Variants in DOT1L observed in about 807,000 individuals in gnomAD.
DOT1L encodes the protein histone-lysine N-methyltransferase, H3 lysine-79 specific.
DOT1L carries 33 observed loss-of-function variants against 153.3 expected under a neutral mutation model. The observed-to-expected ratio is 0.22, with a 90% CI of 0.16 to 0.29. DOT1L has a LOEUF of 0.29. Ranked by LOEUF, DOT1L falls within the 10% of genes least tolerant of loss-of-function variation. DOT1L has a pLI of 1.00. For missense variants in DOT1L, 1,847 were observed against 2,119.9 expected, an observed-to-expected ratio of 0.87 and a Z score of 2.53; for synonymous variants, 1,135 against 965.1, an observed-to-expected ratio of 1.18 and a Z score of -3.26.
At chr19:2,166,402 TTATTTATTTA>T (rs1386720779) in intron 1 of DOT1L, among the ~76,000 whole-genome samples, 4 of 151,140 alleles carry the variant, frequency 2.6e-5, no homozygotes, top group Admixed American at 2.6e-4. Context: ...GGCCTCACAT[TTATTTATTTA>T]TATTTATTTA....
chr19:2,166,125 T>C (rs2019911266), intron 1 of DOT1L, among the ~76,000 whole-genome samples: 1 of 149,772 alleles, frequency 6.7e-6, no homozygotes, highest in Non-Finnish European at 1.5e-5. Context: ...AGTCGGAGTT[T>C]CGCTCTTGTT....
At chr19:2,227,899 G>A (rs1004285222) in intron 27 of DOT1L, 13 of 1,242,596 alleles carry the variant, frequency 1.0e-5, no homozygotes, top group Non-Finnish European at 1.2e-5. Context: ...GTTGAGACCC[G>A]GCCGCCCCCT....
At chr19:2,183,102 C>T (rs1260225659) in intron 2 of DOT1L, among the ~76,000 whole-genome samples, 5 of 152,152 alleles carry the variant, frequency 3.3e-5, no homozygotes, top group African/African-American at 7.2e-5. Context: ...CTAGAAACAC[C>T]GACGACGTTC....
chr19:2,222,174 C>G lies in DOT1L; in HGVS notation c.3005C>G (p.Pro1002Arg). The change falls in exon 24 of 28, where the codon CCC becomes CGC. Residue 1002 changes from proline (P) to arginine (R), a missense_variant. Coordinates refer to ENST00000398665, the MANE Select transcript of DOT1L (RefSeq NM_032482.3). The surrounding 1 kb of genome is among the most constrained non-coding windows in gnomAD (Gnocchi z 6.5). ...CCCCGGAACTCGCTTCCTGCCTCTCCCGCCCACCAGCTCTCCTCCAGTCCC... is the reference window on the plus strand; with the variant it reads ...CCCCGGAACTCGCTTCCTGCCTCTCGCGCCCACCAGCTCTCCTCCAGTCCC... ...AQPRNSLPAS[P>R]AHQLSSSPRL... 2 of 1,613,106 alleles carry G rather than the reference C, an allele frequency of 1.2e-6. No homozygotes were observed. Among genetic ancestry groups the G allele is most frequent in the Non-Finnish European group, 1.7e-6 (2 of 1,179,866 alleles).
chr19:2,222,101 G>T lies in DOT1L; in HGVS notation c.2932G>T (p.Val978Leu). ...CAGCTCTGGGAGCCTTTTTGCCACC[G>T]TGGGGTCCCGCAGCTCCACGCCACA... ...SSSSGSLFAT[V>L]GSRSSTPQHP... The change falls in exon 24 of 28, where the codon GTG (valine) becomes TTG (leucine). Residue 978 changes from valine to leucine, a missense_variant. By Grantham distance (32) the Val-to-Leu change is conservative (BLOSUM62 1). Transcript: ENST00000398665. The surrounding 1 kb of genome is among the most constrained non-coding windows in gnomAD (Gnocchi z 6.5). 1 of 1,613,328 alleles carries T rather than the reference G, an allele frequency of 6.2e-7. No individual in the cohort carries two copies. Among genetic ancestry groups the T allele is most frequent in the South Asian group, 1.1e-5 (1 of 91,090 alleles).
chr19:2,166,573 G>A (rs190866621), intron 1 of DOT1L, among the ~76,000 whole-genome samples: 35 of 151,226 alleles, frequency 2.3e-4, no homozygotes, highest in Non-Finnish European at 4.7e-4. Context: ...CACCACGTCC[G>A]GCTAATTTTG....
rs560054639 is a variant in DOT1L at position 2,179,454 on chromosome 19, C to G, written c.82-1259C>G. 5.3e-5 allele frequency among the ~76,000 whole-genome samples: 8 copies of G among 152,224 alleles called. 1 individual carries two copies. In the South Asian group the frequency reaches 1.5e-3, roughly 28 times the overall value. ...CATCCAGGGGATCGCGTCTGCAACT[C>G]TTATTGCTTTGGCGTTTACCTATTG... On this transcript the variant is annotated intron_variant, in intron 1 of 27. Coordinates refer to ENST00000398665, the MANE Select transcript of DOT1L (RefSeq NM_032482.3).
intron 1 of DOT1L, among the ~76,000 whole-genome samples, chr19:2,168,142 C>T (rs757451067): frequency 2.6e-5 from 4 of 152,110 alleles, no homozygotes; most frequent in Non-Finnish European, 4.4e-5. Context: ...CCCCCGCCAC[C>T]GCCCCAGCAT....
chr19:2,193,160 T>C lies in DOT1L; in HGVS notation c.494-529T>C, dbSNP rs2022870364. Among the ~76,000 whole-genome samples the C allele has an allele frequency of 9.2e-5, 14 of 152,190 alleles. No homozygotes were observed. Among genetic ancestry groups the C allele is most frequent in the Admixed American group, 8.5e-4 (13 of 15,280 alleles). On this transcript the variant is annotated intron_variant, in intron 5 of 27. Coordinates refer to ENST00000398665, the MANE Select transcript of DOT1L (RefSeq NM_032482.3). This position sits in a 1 kb window ranked among gnomAD's most constrained non-coding sequence, Gnocchi z 5.9. ...CGGGTGTTGCTGGGTTGTGTGCTGA[T>C]GCTGTGAAACCGCAGCGGCCGGGAG...
chr19:2,209,189 C>G lies in DOT1L; in HGVS notation c.1005+213C>G, dbSNP rs563515559. 2.6e-5 allele frequency among the ~76,000 whole-genome samples: 4 copies of G among 152,256 alleles called. No individual in the cohort carries two copies. In the South Asian group the frequency reaches 6.2e-4, roughly 24 times the overall value. On this transcript the variant is annotated intron_variant, in intron 12 of 27. Transcript: ENST00000398665. ...CTACCCTTTCCTCCCTGTCCTCCCCCTCTTCCTCTCCTCTCCCAGCCCTTT... is the reference window on the plus strand; with the variant it reads ...CTACCCTTTCCTCCCTGTCCTCCCCGTCTTCCTCTCCTCTCCCAGCCCTTT...
intron 25 of DOT1L, among the ~76,000 whole-genome samples, chr19:2,224,994 G>A (rs2024269949): frequency 1.3e-5 from 2 of 152,218 alleles, no homozygotes; most frequent in South Asian, 2.1e-4. Context: ...GGCCTGCAAT[G>A]CTGTGGCATT....
At chr19:2,225,680 C>CTG (rs2024298150) in intron 26 of DOT1L, among the ~76,000 whole-genome samples, 1 of 151,960 alleles carries the variant, frequency 6.6e-6, no homozygotes, top group Non-Finnish European at 1.5e-5. Context: ...CACTGCAGCC[C>CTG]AGGGCCTCCG....
Position 2,180,729 on chromosome 19 carries a change from C to G in DOT1L, c.98C>G (p.Ala33Gly). 1 of 1,614,082 alleles carries G rather than the reference C, an allele frequency of 6.2e-7. No homozygotes were observed. Among genetic ancestry groups the G allele is most frequent in the Non-Finnish European group, 8.5e-7 (1 of 1,180,014 alleles). ...CTGTTTCAGGATAAACATCACGATGCTGCTCATGAAATCATCGAGACCATC... is the reference window on the plus strand; with the variant it reads ...CTGTTTCAGGATAAACATCACGATGGTGCTCATGAAATCATCGAGACCATC... ...PLPVYDKHHDAAHEIIETIRW... is the reference protein window; with the variant it reads ...PLPVYDKHHDGAHEIIETIRW... Residue 33 changes from alanine (A) to glycine (G), a missense_variant, in exon 2 of 28, where the codon GCT becomes GGT. Transcript: ENST00000398665.
chr19:2,186,186 C>A (rs983082539), intron 3 of DOT1L, among the ~76,000 whole-genome samples: 13 of 152,248 alleles, frequency 8.5e-5, no homozygotes, highest in Non-Finnish European at 1.6e-4. Context: ...GGAGTCAGCC[C>A]GCGCTAGTGA....
At chr19:2,177,484 C>T (rs966408157) in intron 1 of DOT1L, among the ~76,000 whole-genome samples, 3 of 152,028 alleles carry the variant, frequency 2.0e-5, no homozygotes, top group Admixed American at 6.6e-5. Context: ...ATTAGTACTA[C>T]TAACAATTTT....
intron 12 of DOT1L, among the ~76,000 whole-genome samples, chr19:2,210,019 G>C (rs750981035): frequency 3.9e-5 from 6 of 152,178 alleles, no homozygotes; most frequent in Admixed American, 1.3e-4. Flanking sequence ...GGTGCCTTTC[G>C]AAGAGAGGAG....
Position 2,232,223 on chromosome 19 carries a change from A to G in DOT1L, c.*2431A>G. 4.5e-6 allele frequency: 1 copy of G among 220,266 alleles called. No individual in the cohort carries two copies. The highest frequency in any genetic ancestry group is 9.1e-6 in the Non-Finnish European group (1 of 110,118). 13.6% of individuals were successfully genotyped at this position (220,266 alleles called of 1,614,324 possible). ...TCAGGAATTGATAGGAACCCTAAAA[A>G]CTAGGATACCCCCTCCTCGGCCCAT... On this transcript the variant is annotated 3_prime_UTR_variant, in exon 28 of 28. Coordinates refer to ENST00000398665, the MANE Select transcript of DOT1L (RefSeq NM_032482.3).
chr19:2,230,620 GGA>G lies in DOT1L; in HGVS notation c.*834_*835del, dbSNP rs2024560018. 2 of 398,530 alleles carry G rather than the reference GGA, an allele frequency of 5.0e-6. No homozygotes were observed. The highest frequency in any genetic ancestry group is 2.1e-5 in the African/African-American group (1 of 48,638). 24.7% of individuals were successfully genotyped at this position (398,530 alleles called of 1,614,324 possible). A position where few individuals can be genotyped will look rare whatever the true frequency, so the allele number is the denominator to read the frequency against. On this transcript the variant is annotated 3_prime_UTR_variant, in exon 28 of 28. Coordinates refer to ENST00000398665, the MANE Select transcript of DOT1L (RefSeq NM_032482.3). ...GTGGGTCCCTTGGTGTTTCTGTACA[GGA>G]GAGAGTCACACTAATGAGTGGCAGT...
chr19:2,227,175 A>C (rs1177425040), intron 27 of DOT1L, 48 bp downstream of exon 27: 2 of 1,577,182 alleles, frequency 1.3e-6, no homozygotes, highest in Admixed American at 1.7e-5. Flanking sequence ...CCCCCGCCGG[A>C]GGCCCCTTCC....
Sources: gnomAD v4.1 joint callset for allele counts (sites outside exome capture counted in the v4.1 genomes callset) on GRCh38, gnomAD v4.1.1 for gene constraint, Gnocchi (gnomAD v3.1) non-coding constraint, MANE v1.5 for transcripts, NCBI Gene and HGNC (gene_info 2026-07-23, HGNC 2026-07-21) for gene names.